The following C4orf50 variants were observed in gnomAD, a reference collection of about 807,000 sequenced individuals.
The protein encoded by C4orf50 is uncharacterized protein C4orf50.
A neutral mutation model predicts 77.2 loss-of-function variants in C4orf50; 80 were observed. That is an observed-to-expected ratio of 1.04 (90% confidence interval 0.87 to 1.25). The LOEUF (loss-of-function observed/expected upper bound fraction) is 1.25. C4orf50 is among the 50% of genes most tolerant of loss of function. C4orf50 has a pLI of 0.00. For missense variants in C4orf50, 1,257 were observed against 1,152.9 expected, an observed-to-expected ratio of 1.09 and a Z score of -1.31; for synonymous variants, 532 against 465.3, an observed-to-expected ratio of 1.14 and a Z score of -1.84.
intron 7 of C4orf50, among the ~76,000 whole-genome samples, chr4:5,914,090 G>A (rs1315070553): frequency 1.3e-5 from 2 of 151,674 alleles, no homozygotes; most frequent in East Asian, 3.9e-4. Context: ...AGATGAAAAA[G>A]TAGATAAAAT....
At chr4:5,903,987 G>C (rs1345104119) in intron 7 of C4orf50, 1 of 152,194 alleles carries the variant, frequency 6.6e-6, no homozygotes, top group African/African-American at 2.4e-5. Context: ...TGTGATATGG[G>C]GCCTGCCTGT....
chr4:5,926,707 G>A (rs1275848092), intron 7 of C4orf50, among the ~76,000 whole-genome samples: 1 of 152,090 alleles, frequency 6.6e-6, no homozygotes, highest in East Asian at 1.9e-4. Context: ...CAAATGACAA[G>A]CGCAATAAAG....
intron 7 of C4orf50, among the ~76,000 whole-genome samples, chr4:5,941,732 C>T (rs1240592280): frequency 6.6e-6 from 1 of 152,116 alleles, no homozygotes; most frequent in African/African-American, 2.4e-5. Context: ...GCAGCCTTGT[C>T]CCCATTGTAC....
chr4:5,914,166 G>C (rs1227745197), intron 7 of C4orf50, among the ~76,000 whole-genome samples: 2 of 151,178 alleles, frequency 1.3e-5, no homozygotes, highest in African/African-American at 4.9e-5. Flanking sequence ...AAGAATATGA[G>C]CCAGGAGGTT....
At chr4:5,988,440 T>C (rs1721004800) in exon 28 of C4orf50, 23 of 1,599,444 alleles carry the variant, frequency 1.4e-5, no homozygotes, top group Non-Finnish European at 2.0e-5. Flanking sequence ...CTTCTTTCAC[T>C]TCTGCTCCAC....
chr4:5,984,411 C>T (rs553845114), intron 28 of C4orf50, among the ~76,000 whole-genome samples: 19 of 152,248 alleles, frequency 1.2e-4, no homozygotes, highest in Admixed American at 1.0e-3. Context: ...CAAAACAAAA[C>T]CAAACCCCTC....
rs186016775 is a variant in C4orf50, at chr4:5,961,319, A to G, written c.4276-1693T>C. On this transcript the variant is annotated intron_variant, in intron 33 of 33. Coordinates refer to ENST00000531445, the Ensembl canonical transcript of C4orf50. Reference sequence around the variant, plus strand: ...AACAGAGGGAGACTCCATCTCAAAAACAACAACTATAATAATAATGATAAG... The same window carrying G: ...AACAGAGGGAGACTCCATCTCAAAAGCAACAACTATAATAATAATGATAAG... Among the ~76,000 whole-genome samples, 359 of 152,360 alleles carry G rather than the reference A, an allele frequency of 2.4e-3. 2 individuals are homozygous for G. Among genetic ancestry groups the G allele is most frequent in the Non-Finnish European group, 3.1e-3 (209 of 68,040 alleles).
At chr4:5,939,052 G>A (rs1200153551) in intron 7 of C4orf50, among the ~76,000 whole-genome samples, 3 of 152,086 alleles carry the variant, frequency 2.0e-5, no homozygotes, top group African/African-American at 7.2e-5. Flanking sequence ...GACCAGCCTG[G>A]CCAACATGGT....
intron 25 of C4orf50, among the ~76,000 whole-genome samples, chr4:6,003,514 G>A (rs1208682416): frequency 1.3e-5 from 2 of 151,962 alleles, no homozygotes; most frequent in East Asian, 3.9e-4. Flanking sequence ...TGATGGTGAT[G>A]GTGATGATGA....
chr4:5,946,277 G>C (rs1319207176), intron 7 of C4orf50, among the ~76,000 whole-genome samples: 1 of 152,180 alleles, frequency 6.6e-6, no homozygotes, highest in Non-Finnish European at 1.5e-5. Context: ...GGGGCTTGAG[G>C]GGGCCTGGAA....
At chr4:5,945,819 TCTCACACTCGG>T (rs1187022413) in intron 7 of C4orf50, among the ~76,000 whole-genome samples, 3 of 152,190 alleles carry the variant, frequency 2.0e-5, no homozygotes, top group Admixed American at 6.5e-5. Context: ...CTCTGTGTTT[TCTCACACTCGG>T]CTGCCCTGCT....
intron 29 of C4orf50, among the ~76,000 whole-genome samples, chr4:5,976,968 G>T (rs900589095): frequency 5.3e-5 from 8 of 152,220 alleles, no homozygotes; most frequent in African/African-American, 1.4e-4. Flanking sequence ...CACTGAATAG[G>T]ACTGGCAGCT....
rs1482040232 is a variant in C4orf50 at position 6,014,647 on chromosome 4, T to TTTTA, written c.288-2680_288-2679insTAAA. On this transcript the variant is annotated intron_variant, in intron 23 of 33. Transcript: ENST00000531445. ...TGCTCAGAATTGTGCTTTCAGACCCTGGCCTCAGCTTTTAGCAGCCCTGGA... is the reference window on the plus strand; with the variant it reads ...TGCTCAGAATTGTGCTTTCAGACCCTTTTAGGCCTCAGCTTTTAGCAGCCCTGGA... 3.9e-5 allele frequency among the ~76,000 whole-genome samples: 6 copies of TTTTA among 152,348 alleles called. No individual in the cohort carries two copies. In the South Asian group the frequency reaches 6.2e-4, roughly 16 times the overall value.
chr4:5,966,431 C>T (rs6816880), intron 32 of C4orf50, among the ~76,000 whole-genome samples: 53,783 of 151,332 alleles, frequency 0.36, 9,805 homozygotes, highest in Admixed American at 0.44. Context: ...GCCGAGATCA[C>T]ACCTTTGCAC....
At chr4:5,961,259 G>C (rs1008979884) in intron 33 of C4orf50, among the ~76,000 whole-genome samples, 4 of 152,210 alleles carry the variant, frequency 2.6e-5, no homozygotes, top group African/African-American at 7.2e-5. Flanking sequence ...AGGTTGCAGT[G>C]AGCCGAGATC....
exon 28 of C4orf50, chr4:5,989,262 C>A: frequency 6.5e-7 from 1 of 1,536,052 alleles, no homozygotes; most frequent in South Asian, 1.2e-5. Flanking sequence ...CAGAAATGAG[C>A]TGATGAAACC....
At chr4:5,912,276 TG>T (rs2108731033) in intron 7 of C4orf50, among the ~76,000 whole-genome samples, 1 of 151,872 alleles carries the variant, frequency 6.6e-6, no homozygotes, top group African/African-American at 2.4e-5. Flanking sequence ...TGTGTGTGTG[TG>T]TGTGTGTGTG....
At chr4:5,902,640 C>T (rs1716389898) in intron 7 of C4orf50, 1 of 152,096 alleles carries the variant, frequency 6.6e-6, no homozygotes. Context: ...AAGGTGTGGC[C>T]CCTTTTCCTG....
At chr4:5,965,635 C>A (rs1213063791) in intron 32 of C4orf50, among the ~76,000 whole-genome samples, 1 of 152,160 alleles carries the variant, frequency 6.6e-6, no homozygotes, top group East Asian at 1.9e-4. Flanking sequence ...CAGAAGCAGA[C>A]CAGCTAGGAT....
Sources: allele counts gnomAD v4.1 joint callset (sites outside exome capture counted in the v4.1 genomes callset), GRCh38; gene constraint gnomAD v4.1.1; transcripts MANE v1.5; gene names NCBI Gene and HGNC (gene_info 2026-07-23, HGNC 2026-07-21).